CNTNAP2: variants seen among roughly 807,000 people sequenced by gnomAD.
CNTNAP2 encodes contactin-associated protein-like 2.
Under a neutral mutation model 155.2 loss-of-function variants are expected in CNTNAP2, and 98 were observed. The observed-to-expected ratio is 0.63, with a 90% CI of 0.54 to 0.75. The LOEUF is 0.75. Among genes scored for constraint, CNTNAP2 ranks in the 30% least tolerant of loss-of-function variants. The pLI is 0.00. For missense variants in CNTNAP2, 1,727 were observed against 1,688.1 expected (o/e 1.02, Z -0.40); for synonymous variants, 651 against 631.2 (o/e 1.03, Z -0.47).
chr7:147,190,869 C>T (rs907849282), intron 8 of CNTNAP2, among the ~76,000 whole-genome samples: 2 of 152,000 alleles, frequency 1.3e-5, no homozygotes, highest in African/African-American at 2.4e-5. Context: ...TTAACTGAAC[C>T]GATCTCAGAA....
intron 1 of CNTNAP2, among the ~76,000 whole-genome samples, chr7:146,409,583 A>T (rs559008872): frequency 3.3e-5 from 5 of 152,314 alleles, no homozygotes; most frequent in African/African-American, 1.2e-4. Context: ...TATCTAAAAC[A>T]TCTATCACAA....
At chr7:146,656,376 A>C (rs1288277253) in intron 1 of CNTNAP2, among the ~76,000 whole-genome samples, 1 of 152,212 alleles carries the variant, frequency 6.6e-6, no homozygotes, top group African/African-American at 2.4e-5. Context: ...AACAAAAAAA[A>C]GAAATCAGGT....
chr7:146,241,910 C>T (rs1799569711), intron 1 of CNTNAP2, among the ~76,000 whole-genome samples: 1 of 151,810 alleles, frequency 6.6e-6, no homozygotes, highest in Non-Finnish European at 1.5e-5. Flanking sequence ...ACCTAGAAGC[C>T]TAATGGGGAA....
At chr7:147,568,317 A>T (rs1187948621) in intron 12 of CNTNAP2, among the ~76,000 whole-genome samples, 1 of 152,162 alleles carries the variant, frequency 6.6e-6, no homozygotes, top group Non-Finnish European at 1.5e-5. Context: ...GCTAAGTTTG[A>T]CATAAATTGA....
At chr7:146,840,082 G>T (rs950328523) in intron 3 of CNTNAP2, among the ~76,000 whole-genome samples, 178 bp downstream of exon 3, 1 of 152,130 alleles carries the variant, frequency 6.6e-6, no homozygotes, top group African/African-American at 2.4e-5. Context: ...CTATCCAATG[G>T]TTAAAGCAAT....
intron 18 of CNTNAP2, among the ~76,000 whole-genome samples, chr7:148,206,009 T>C (rs1030317228): frequency 6.6e-6 from 1 of 151,884 alleles, no homozygotes; most frequent in African/African-American, 2.4e-5. Flanking sequence ...AATATATATA[T>C]GCATATAGGC....
intron 1 of CNTNAP2, among the ~76,000 whole-genome samples, chr7:146,601,516 C>T (rs7799603): frequency 0.13 from 20,117 of 151,964 alleles, 1,854 homozygotes; most frequent in African/African-American, 0.26. Flanking sequence ...AGACTCGATA[C>T]TATAAATATG....
At chr7:146,695,222 C>T (rs1299531360) in intron 1 of CNTNAP2, among the ~76,000 whole-genome samples, 1 of 152,000 alleles carries the variant, frequency 6.6e-6, no homozygotes, top group Non-Finnish European at 1.5e-5. Flanking sequence ...ACAAAAACTA[C>T]GTTTTTGTAG....
intron 11 of CNTNAP2, among the ~76,000 whole-genome samples, chr7:147,529,474 C>T (rs757439816): frequency 1.4e-4 from 22 of 152,120 alleles, no homozygotes; most frequent in Non-Finnish European, 2.8e-4. Flanking sequence ...CATGAGGCTA[C>T]AACATAACAC....
rs796940228 is a variant in CNTNAP2, at chr7:148,024,173, A to AAAAAAAAAC, written c.2383+46190_2383+46191insAACAAAAAA. Among the ~76,000 whole-genome samples the AAAAAAAAAC allele has an allele frequency of 1.7e-3, 258 of 147,918 alleles. No individual in the cohort carries two copies. The East Asian group carries it at 0.019, about 11-fold the overall frequency. On this transcript the variant is annotated intron_variant, in intron 15 of 23. Transcript: ENST00000361727. The stretch of plus-strand genomic sequence containing the variant: ...TTTAAAGTGTAAAAAAAAAAAAAAA[A>AAAAAAAAAC]AAAAAACTTTATAACATCCTGAGAA...
At chr7:147,852,441 GC>G (rs1242958281) in intron 13 of CNTNAP2, among the ~76,000 whole-genome samples, 4 of 152,252 alleles carry the variant, frequency 2.6e-5, no homozygotes, top group Middle Eastern at 3.4e-3. Context: ...AAAACCCATA[GC>G]TACACATCTT....
At chr7:147,762,475 A>G (rs1412875778) in intron 13 of CNTNAP2, among the ~76,000 whole-genome samples, 2 of 151,966 alleles carry the variant, frequency 1.3e-5, no homozygotes, top group African/African-American at 4.8e-5. Context: ...TGCGGAGGCA[A>G]TTAGATGCAC....
intron 1 of CNTNAP2, among the ~76,000 whole-genome samples, chr7:146,645,394 A>C (rs1337163365): frequency 6.6e-6 from 1 of 152,114 alleles, no homozygotes; most frequent in Admixed American, 6.6e-5. Flanking sequence ...CTCGATTCTC[A>C]TCCCTCATTC....
chr7:146,319,488 A>T (rs1375873450), intron 1 of CNTNAP2, among the ~76,000 whole-genome samples: 3 of 152,194 alleles, frequency 2.0e-5, no homozygotes, highest in Non-Finnish European at 4.4e-5. Context: ...AATTGGACAA[A>T]CAAATGTTAG....
chr7:147,943,286 C>T (rs543712747), intron 14 of CNTNAP2, among the ~76,000 whole-genome samples: 9 of 152,220 alleles, frequency 5.9e-5, no homozygotes, highest in East Asian at 1.9e-4. Context: ...TTGGCACACA[C>T]GGCATTTTTG....
chr7:148,365,732 GTA>G lies in CNTNAP2; in HGVS notation c.3476-17915_3476-17914del, dbSNP rs1259670896. 3.9e-4 allele frequency among the ~76,000 whole-genome samples: 6 copies of G among 15,194 alleles called. 3 individuals carry two copies. Among genetic ancestry groups the G allele is most frequent in the African/African-American group, 4.6e-4 (4 of 8,778 alleles). 10.0% of individuals were successfully genotyped at this position (15,194 alleles called of 152,430 possible). On this transcript the variant is annotated intron_variant, in intron 21 of 23. Coordinates refer to ENST00000361727, the MANE Select transcript of CNTNAP2 (RefSeq NM_014141.6). The stretch of plus-strand genomic sequence containing the variant: ...TATATATATGTATACGTGTATATAT[GTA>G]TGTGTATACATGTATACATGTATGT...
At chr7:146,508,146 C>A (rs1360219652) in intron 1 of CNTNAP2, among the ~76,000 whole-genome samples, 1 of 152,218 alleles carries the variant, frequency 6.6e-6, no homozygotes, top group Non-Finnish European at 1.5e-5. Flanking sequence ...CATGCACTAT[C>A]TGCACCTCCT....
chr7:148,078,359 G>A (rs978357410), intron 15 of CNTNAP2, among the ~76,000 whole-genome samples: 1 of 152,034 alleles, frequency 6.6e-6, no homozygotes, highest in Non-Finnish European at 1.5e-5. Context: ...GCAAGGCATT[G>A]AGCCACCCCA....
chr7:147,392,942 A>G (rs1436749070), intron 9 of CNTNAP2, among the ~76,000 whole-genome samples: 1 of 152,064 alleles, frequency 6.6e-6, no homozygotes, highest in East Asian at 1.9e-4. Flanking sequence ...TTGTTGCATT[A>G]TGTGTCACCT....
Sources: gnomAD v4.1 joint callset for allele counts (sites outside exome capture counted in the v4.1 genomes callset) on GRCh38, gnomAD v4.1.1 for gene constraint, MANE v1.5 for transcripts, NCBI Gene and HGNC (gene_info 2026-07-23, HGNC 2026-07-21) for gene names.